The following ZUP1 variants were observed in gnomAD, a reference collection of about 807,000 sequenced individuals.
ZUP1 encodes zinc finger-containing ubiquitin peptidase 1.
A neutral mutation model predicts 68.1 loss-of-function variants in ZUP1; 55 were observed. The ratio of observed to expected loss-of-function variants is 0.81; its 90% confidence interval spans 0.65 to 1.01. ZUP1 has a LOEUF of 1.01. ZUP1 is among the 50% of genes least tolerant of loss of function. The pLI, the probability that ZUP1 is intolerant of heterozygous loss-of-function variation, is 0.00. For missense variants in ZUP1, 684 were observed against 674.9 expected (o/e 1.01, Z -0.15); for synonymous variants, 223 against 221.5 (o/e 1.01, Z -0.06).
At position 116,666,806 on chromosome 6, in the gene ZUP1, G is replaced by C. The variant is rs1352279828; in HGVS notation, c.387C>G (p.Phe129Leu). ...TGGACTGTTTTTCCCTACTTTTCAG[G>C]AATTTTCTAGATTCAGTTAAGTTCT... ...YSENLTESRK[F>L]LKSREKQSSL... Residue 129 changes from phenylalanine (F) to leucine (L), a missense_variant, in exon 2 of 10, where the codon TTC becomes TTG. Physicochemically the swap from Phe to Leu is conservative, Grantham distance 22. Transcript: ENST00000368576. 5 of 1,612,986 alleles carry C rather than the reference G, an allele frequency of 3.1e-6. No individual in the cohort carries two copies. In the South Asian group the frequency reaches 5.5e-5, roughly 18 times the overall value.
At chr6:116,659,545 G>T (rs965970288) in intron 3 of ZUP1, among the ~76,000 whole-genome samples, 1 of 151,506 alleles carries the variant, frequency 6.6e-6, no homozygotes, top group Non-Finnish European at 1.5e-5. Context: ...ATTTTAAAAC[G>T]TTAAGTAACA....
At chr6:116,654,538 A>G (rs1236480114) in intron 5 of ZUP1, among the ~76,000 whole-genome samples, 1 of 152,028 alleles carries the variant, frequency 6.6e-6, no homozygotes, top group African/African-American at 2.4e-5. Context: ...GGAGTTACTT[A>G]AGACACAAAT....
intron 9 of ZUP1, among the ~76,000 whole-genome samples, chr6:116,641,045 T>G (rs1218082609): frequency 6.6e-6 from 1 of 150,424 alleles, no homozygotes; most frequent in African/African-American, 2.5e-5. Flanking sequence ...AATCCTAGTC[T>G]CTGATAAAAC....
At position 116,645,963 on chromosome 6, in the gene ZUP1, C is replaced by A. The variant is rs142731417; in HGVS notation, c.1469-29G>T. 85 of 1,481,822 alleles carry A rather than the reference C, an allele frequency of 5.7e-5. No individual in the cohort carries two copies. In the African/African-American group the frequency reaches 1.1e-3, roughly 18 times the overall value. 91.8% of individuals were successfully genotyped at this position (1,481,822 alleles called of 1,614,324 possible). On this transcript the variant is annotated intron_variant, in intron 8 of 9. Transcript: ENST00000368576. ...TCAAAAGATTTTTAAGTTATACATACGTCACATCTATTTACAGTTATACAA... is the reference window on the plus strand; with the variant it reads ...TCAAAAGATTTTTAAGTTATACATAAGTCACATCTATTTACAGTTATACAA...
intron 2 of ZUP1, 115 bp from the exon 3 acceptor site, chr6:116,660,961 A>G: frequency 1.7e-6 from 1 of 595,970 alleles, no homozygotes. Flanking sequence ...GTGCAGTGGC[A>G]CCATCACGGC....
chr6:116,638,627 T>A (rs1476645064), intron 9 of ZUP1, among the ~76,000 whole-genome samples: 1 of 152,222 alleles, frequency 6.6e-6, no homozygotes, highest in Non-Finnish European at 1.5e-5. Flanking sequence ...GTTTTCTTAC[T>A]ATATGTTTAC....
At chr6:116,638,445 T>A (rs1775969957) in intron 9 of ZUP1, among the ~76,000 whole-genome samples, 1 of 152,192 alleles carries the variant, frequency 6.6e-6, no homozygotes, top group Admixed American at 6.5e-5. Context: ...GCTCATCACT[T>A]AACTGCAAGG....
rs763827472 is a variant in ZUP1 at position 116,646,185 on chromosome 6, C to T, written c.1469-251G>A. 1.6e-5 allele frequency: 5 copies of T among 318,866 alleles called. No individual in the cohort carries two copies. The Admixed American group carries it at 2.3e-4, about 14-fold the overall frequency. The allele number at this position is 318,866 out of a possible 1,614,324, so 19.8% of individuals were successfully genotyped here. On this transcript the variant is annotated intron_variant, in intron 8 of 9. Transcript: ENST00000368576. ...TATTCTGCCAAATATTTTACTTTTCCTTTCCCAATCCTTTGATCCTTCTTA... is the reference window on the plus strand; with the variant it reads ...TATTCTGCCAAATATTTTACTTTTCTTTTCCCAATCCTTTGATCCTTCTTA...
chr6:116,645,613 GA>G (rs1233105194), intron 9 of ZUP1, 100 bp downstream of exon 9: 10 of 671,678 alleles, frequency 1.5e-5, no homozygotes, highest in Admixed American at 7.1e-5. Context: ...AAAAAGAATA[GA>G]AAAAAAAGAA....
chr6:116,646,840 T>C (rs1327890063), intron 8 of ZUP1, among the ~76,000 whole-genome samples: 1 of 152,090 alleles, frequency 6.6e-6, no homozygotes, highest in Non-Finnish European at 1.5e-5. Flanking sequence ...CCTCTGAAAG[T>C]GCTAGGATTA....
rs745725718 is a variant in ZUP1, at chr6:116,656,679, C to G, written c.961+5G>C. The G allele has an allele frequency of 1.2e-5, 19 of 1,605,116 alleles. No homozygotes were observed. Among genetic ancestry groups the G allele is most frequent in the Non-Finnish European group, 1.5e-5 (18 of 1,176,868 alleles). On this transcript the variant is annotated splice_donor_5th_base_variant and intron_variant, in intron 5 of 9. Coordinates refer to ENST00000368576, the MANE Select transcript of ZUP1 (RefSeq NM_145062.3). ...AAACAATGACTCTGATGTTTAAATA[C>G]TCACCGGAAGTTTTTGTTTTTCCAT... is the stretch of plus-strand genomic sequence containing the variant.
rs762967025 is a variant in ZUP1, at chr6:116,658,968, T to A, written c.671-44A>T. 3.4e-6 allele frequency: 5 copies of A among 1,483,922 alleles called. No homozygotes were observed. In the African/African-American group the frequency reaches 7.1e-5, roughly 21 times the overall value. 91.9% of individuals were successfully genotyped at this position (1,483,922 alleles called of 1,614,324 possible). A position where few individuals can be genotyped will look rare whatever the true frequency, so the allele number is the denominator to read the frequency against. On this transcript the variant is annotated intron_variant, in intron 3 of 9. Coordinates refer to ENST00000368576, the MANE Select transcript of ZUP1 (RefSeq NM_145062.3). ...GTTCAGAATAAAATAACTGTTGCAA[T>A]CAAAGATTATTTATTATTTAATATA... is the stretch of plus-strand genomic sequence containing the variant.
intron 9 of ZUP1, among the ~76,000 whole-genome samples, chr6:116,639,719 A>C (rs1402377184): frequency 6.6e-6 from 1 of 152,250 alleles, no homozygotes; most frequent in Non-Finnish European, 1.5e-5. Flanking sequence ...AACAGGAGAT[A>C]AAACCACAAA....
intron 8 of ZUP1, among the ~76,000 whole-genome samples, chr6:116,646,522 T>C (rs1372536552): frequency 6.6e-6 from 1 of 152,204 alleles, no homozygotes. Context: ...TAGGAAGAGA[T>C]ACTCTATAAA....
chr6:116,646,629 C>T (rs1776318229), intron 8 of ZUP1, among the ~76,000 whole-genome samples: 1 of 152,192 alleles, frequency 6.6e-6, no homozygotes, highest in African/African-American at 2.4e-5. Context: ...GGCTGGAGTG[C>T]AGTGGCAGAA....
At chr6:116,638,150 T>G (rs1775961359) in intron 9 of ZUP1, among the ~76,000 whole-genome samples, 1 of 152,040 alleles carries the variant, frequency 6.6e-6, no homozygotes, top group Non-Finnish European at 1.5e-5. Flanking sequence ...TTTCAAAAAC[T>G]TACAGTCCTT....
chr6:116,643,995 A>T (rs1489755679), intron 9 of ZUP1, among the ~76,000 whole-genome samples: 2 of 152,226 alleles, frequency 1.3e-5, no homozygotes, highest in African/African-American at 4.8e-5. Flanking sequence ...TTTACAAGAA[A>T]AAAACAAACA....
chr6:116,666,177 CT>C (rs901561756), intron 2 of ZUP1, among the ~76,000 whole-genome samples: 1 of 151,986 alleles, frequency 6.6e-6, no homozygotes, highest in Admixed American at 6.6e-5. Flanking sequence ...GCAGAATACA[CT>C]TTTTTTTCCC....
intron 2 of ZUP1, among the ~76,000 whole-genome samples, chr6:116,662,981 A>T (rs191724972): frequency 2.6e-5 from 4 of 152,262 alleles, no homozygotes; most frequent in Admixed American, 2.0e-4. Context: ...CTATACTATG[A>T]TCATTCTTAG....
Sources: allele counts gnomAD v4.1 joint callset (sites outside exome capture counted in the v4.1 genomes callset), GRCh38; gene constraint gnomAD v4.1.1; transcripts MANE v1.5; gene names NCBI Gene and HGNC (gene_info 2026-07-23, HGNC 2026-07-21).